The following CLCN6 variants were observed in gnomAD, a reference collection of about 807,000 sequenced individuals.
CLCN6 encodes Cl-/H+ antiporter 6, also known as H(+)/Cl(-) exchange transporter 6.
Under a neutral mutation model 109.8 loss-of-function variants are expected in CLCN6, and 70 were observed. The observed-to-expected ratio is 0.64, with a 90% confidence interval of 0.53 to 0.78. The LOEUF is 0.78. Among genes scored for constraint, CLCN6 ranks in the 30% least tolerant of loss-of-function variants. CLCN6 has a pLI of 0.00. For synonymous variants in CLCN6, 444 were observed against 447.8 expected, an observed-to-expected ratio of 0.99 and a Z score of 0.11; for missense variants, 984 against 1,142.3, an observed-to-expected ratio of 0.86 and a Z score of 2.00.
At chr1:11,838,739 C>T (rs778129006) in intron 22 of CLCN6, 79 bp downstream of exon 22, 1 of 1,599,976 alleles carries the variant, frequency 6.3e-7, no homozygotes, top group African/African-American at 1.3e-5. Flanking sequence ...CCAGGCTTCT[C>T]ACCAGAAACG....
intron 17 of CLCN6, 40 bp from the exon 18 acceptor site, chr1:11,835,927 G>C (rs747369304): frequency 1.3e-6 from 2 of 1,585,694 alleles, no homozygotes; most frequent in East Asian, 2.3e-5. Flanking sequence ...GGGCCTGCGG[G>C]CACTGTCATG....
intron 2 of CLCN6, among the ~76,000 whole-genome samples, chr1:11,811,213 A>C (rs913599265): frequency 5.9e-5 from 9 of 152,094 alleles, no homozygotes; most frequent in African/African-American, 2.2e-4. Flanking sequence ...CCTGACAAAA[A>C]AAAAAGGGAT....
rs967893422 is a variant in CLCN6, at chr1:11,841,293, G to C, written c.*1070G>C. On this transcript the variant is annotated 3_prime_UTR_variant, in exon 23 of 23. Coordinates refer to ENST00000346436, the MANE Select transcript of CLCN6 (RefSeq NM_001286.5). Reference sequence around the variant, plus strand: ...CACCTCTCTCTCCCCTGCACTAGCTGTCCCAAGCTTACATACAGAGGCCCT... The same window carrying C: ...CACCTCTCTCTCCCCTGCACTAGCTCTCCCAAGCTTACATACAGAGGCCCT... 6 of 152,632 alleles carry C rather than the reference G, an allele frequency of 3.9e-5. No homozygotes were observed. Among genetic ancestry groups the C allele is most frequent in the Non-Finnish European group, 7.3e-5 (5 of 68,040 alleles). 9.5% of individuals were successfully genotyped at this position (152,632 alleles called of 1,614,324 possible). A position where few individuals can be genotyped will look rare whatever the true frequency, so the allele number is the denominator to read the frequency against.
chr1:11,807,038 T>C, intron 1 of CLCN6, 93 bp from the exon 2 acceptor site: 1 of 1,149,842 alleles, frequency 8.7e-7, no homozygotes, highest in Non-Finnish European at 1.3e-6. Context: ...CTCCAGATGA[T>C]TTAGAAGCTA....
intron 2 of CLCN6, among the ~76,000 whole-genome samples, chr1:11,813,458 T>C (rs1056729873): frequency 6.6e-6 from 1 of 151,670 alleles, no homozygotes; most frequent in African/African-American, 2.4e-5. Context: ...TAGCACAATC[T>C]CGGCTCACTG....
intron 13 of CLCN6, among the ~76,000 whole-genome samples, chr1:11,831,482 GAAA>G (rs757189195): frequency 6.6e-6 from 1 of 151,730 alleles, no homozygotes; most frequent in South Asian, 2.1e-4. Flanking sequence ...AGGGTTGAGA[GAAA>G]AAAAAGAATA....
At chr1:11,818,775 A>ATGGT (rs1223589820) in intron 4 of CLCN6, among the ~76,000 whole-genome samples, 5 of 152,210 alleles carry the variant, frequency 3.3e-5, no homozygotes, top group Admixed American at 1.3e-4. Flanking sequence ...GGACTATAAG[A>ATGGT]TGGTTATAAG....
intron 20 of CLCN6, 135 bp downstream of exon 20, chr1:11,837,634 G>C (rs1170992129): frequency 2.3e-6 from 2 of 856,156 alleles, no homozygotes; most frequent in East Asian, 5.3e-5. Context: ...GGACTTAGGG[G>C]AGGAGTCGCC....
In CLCN6 at chr1:11,824,518, C is replaced by T; in HGVS notation, c.613C>T (p.His205Tyr). ...LFVEKEGPMI[H>Y]SGSVVGAGLP... ...CGTGGAGAAGGAAGGCCCCATGATC[C>T]ACAGTGGTTCGGTGGTGGGAGCTGG... Residue 205 changes from histidine (H) to tyrosine (Y), a missense_variant, in exon 8 of 23, where the codon CAC (histidine) becomes TAC (tyrosine). Physicochemically the swap from His to Tyr is moderately conservative, Grantham distance 83 (BLOSUM62 2). Transcript: ENST00000346436. The T allele has an allele frequency of 6.2e-7, 1 of 1,613,720 alleles. No individual in the cohort carries two copies. The highest frequency in any genetic ancestry group is 8.5e-7 in the Non-Finnish European group (1 of 1,179,794).
Position 11,836,152 on chromosome 1 carries a change from A to G in CLCN6, c.1979A>G (p.Lys660Arg). The G allele has an allele frequency of 6.2e-7, 1 of 1,611,968 alleles. No homozygotes were observed. Among genetic ancestry groups the G allele is most frequent in the South Asian group, 1.1e-5 (1 of 90,836 alleles). Residue 660 changes from lysine to arginine, a missense_variant and splice_region_variant, in exon 18 of 23, where the codon AAG becomes AGG. By Grantham distance (26) the Lys-to-Arg change is conservative (BLOSUM62 2). Transcript: ENST00000346436. Reference sequence around the variant, plus strand: ...CTCATCAGCAACAACATCAAGTTCAAGGTAAAGAAAACGGCATGAGAGGAA... The same window carrying G: ...CTCATCAGCAACAACATCAAGTTCAGGGTAAAGAAAACGGCATGAGAGGAA... ...NQLISNNIKF[K>R]KSSILTRAGE...
At chr1:11,825,565 G>A (rs1644800965) in intron 8 of CLCN6, among the ~76,000 whole-genome samples, 1 of 152,212 alleles carries the variant, frequency 6.6e-6, no homozygotes, top group Admixed American at 6.5e-5. Flanking sequence ...AGAAACACGA[G>A]GGCAGGAAAA....
rs1031039105 is a variant in CLCN6, at chr1:11,834,171, G to T, written c.1527-65G>T. On this transcript the variant is annotated intron_variant, in intron 15 of 22. Coordinates refer to ENST00000346436, the MANE Select transcript of CLCN6 (RefSeq NM_001286.5). This position sits in a 1 kb window ranked among gnomAD's most constrained non-coding sequence, Gnocchi z 4.5. ...GTGCATAGGCACAAGAGTATGAGCTGTAGGTCCTCCCCACAGCCTATCAGT... is the reference window on the plus strand; with the variant it reads ...GTGCATAGGCACAAGAGTATGAGCTTTAGGTCCTCCCCACAGCCTATCAGT... The T allele has an allele frequency of 3.1e-6, 5 of 1,595,956 alleles. No individual in the cohort carries two copies. In the Admixed American group the frequency reaches 7.0e-5, roughly 22 times the overall value.
In CLCN6 at chr1:11,807,601, G is replaced by C. The variant is rs150673285; in HGVS notation, c.147+411G>C. Among the ~76,000 whole-genome samples the C allele has an allele frequency of 2.4e-3, 366 of 152,346 alleles. 1 individual carries two copies. Among genetic ancestry groups the C allele is most frequent in the East Asian group, 7.5e-3 (39 of 5,188 alleles). ...TTTCAGATATTTTCTTGCTCAAGCA[G>C]CTTCTCTCTGACATGTTCTTGATTA... On this transcript the variant is annotated intron_variant, in intron 2 of 22. Transcript: ENST00000346436.
rs779495758 is a variant in CLCN6, at chr1:11,836,993, C to G, written c.1981-6C>G. ...GCGCAGTAGCCTGTGGCCTCCCCACCCACAGAAATCCAGCATCCTCACCCG... is the reference window on the plus strand; with the variant it reads ...GCGCAGTAGCCTGTGGCCTCCCCACGCACAGAAATCCAGCATCCTCACCCG... On this transcript the variant is annotated splice_region_variant and splice_polypyrimidine_tract_variant and intron_variant, in intron 18 of 22. Transcript: ENST00000346436. 6.2e-7 allele frequency: 1 copy of G among 1,607,564 alleles called. No homozygotes were observed. The highest frequency in any genetic ancestry group is 8.5e-7 in the Non-Finnish European group (1 of 1,180,004).
chr1:11,810,515 T>C (rs533746074), intron 2 of CLCN6, among the ~76,000 whole-genome samples: 12 of 152,330 alleles, frequency 7.9e-5, no homozygotes, highest in Admixed American at 6.5e-4. Context: ...CCTGGTTGAA[T>C]TGGGGCTGGT....
At chr1:11,820,257 G>A in intron 5 of CLCN6, 1 of 642,460 alleles carries the variant, frequency 1.6e-6, no homozygotes, top group South Asian at 1.7e-5. Flanking sequence ...CACCATGACT[G>A]TGCCTGGGCA....
Position 11,841,563 on chromosome 1 carries a change from C to A in CLCN6, c.*1340C>A, listed in dbSNP as rs755135065. 2 of 152,278 alleles carry A rather than the reference C, an allele frequency of 1.3e-5. No individual in the cohort carries two copies. The highest frequency in any genetic ancestry group is 3.8e-4 in the East Asian group (2 of 5,196). The allele number at this position is 152,278 out of a possible 1,614,324, so 9.4% of individuals were successfully genotyped here. ...TCCCAGCAGGCATCCCTGGGGCAGA[C>A]GTGCTTTGGCTCAAGATGGCCTTCA... is the stretch of plus-strand genomic sequence containing the variant. On this transcript the variant is annotated 3_prime_UTR_variant, in exon 23 of 23. Transcript: ENST00000346436.
intron 17 of CLCN6, 42 bp from the exon 18 acceptor site, chr1:11,835,925 G>A (rs368831175): frequency 4.9e-5 from 77 of 1,582,032 alleles, no homozygotes; most frequent in Middle Eastern, 1.9e-4. Flanking sequence ...AGGGGCCTGC[G>A]GGCACTGTCA....
chr1:11,806,725 C>T (rs1184939068), intron 1 of CLCN6: 4 of 351,210 alleles, frequency 1.1e-5, no homozygotes, highest in Non-Finnish European at 2.1e-5. Flanking sequence ...ATCCCTCACC[C>T]TTTCTGGGTC....
Sources: allele counts gnomAD v4.1 joint callset (sites outside exome capture counted in the v4.1 genomes callset), GRCh38; gene constraint gnomAD v4.1.1; non-coding constraint Gnocchi (gnomAD v3.1); transcripts MANE v1.5; gene names NCBI Gene and HGNC (gene_info 2026-07-23, HGNC 2026-07-21).